ABCC4: variants seen among roughly 807,000 people sequenced by gnomAD.
ABCC4 encodes ATP-binding cassette sub-family C member 4.
ABCC4 carries 102 observed loss-of-function variants against 168.5 expected under a neutral mutation model. That is an observed-to-expected ratio of 0.61 (90% CI 0.52 to 0.71). The LOEUF is 0.71. ABCC4 is among the 30% of genes least tolerant of loss of function. The probability of loss-of-function intolerance (pLI) is 0.00; values close to 1 mark genes in which losing one functional copy is unlikely to be tolerated. For synonymous variants in ABCC4, 617 were observed against 590.7 expected (o/e 1.04, Z -0.65); for missense variants, 1,402 against 1,605.8 (o/e 0.87, Z 2.17).
At chr13:95,103,090 C>A (rs369130334) in intron 20 of ABCC4, among the ~76,000 whole-genome samples, 121 of 151,722 alleles carry the variant, frequency 8.0e-4, no homozygotes, top group African/African-American at 2.8e-3. Flanking sequence ...TACGGTGAAA[C>A]CCTGTCTCTA....
chr13:95,273,640 C>T (rs1484664588), intron 1 of ABCC4, among the ~76,000 whole-genome samples: 1 of 127,834 alleles, frequency 7.8e-6, no homozygotes, highest in Non-Finnish European at 1.6e-5. Context: ...CAGGTTTACA[C>T]TACTGATATG....
chr13:95,028,912 T>G (rs923538884), intron 30 of ABCC4, among the ~76,000 whole-genome samples: 9 of 151,998 alleles, frequency 5.9e-5, no homozygotes, highest in African/African-American at 2.2e-4. Flanking sequence ...ACGCCTGTAA[T>G]CCCAGCACTT....
intron 19 of ABCC4, among the ~76,000 whole-genome samples, chr13:95,135,564 C>A (rs796494166): frequency 5.9e-5 from 9 of 152,126 alleles, no homozygotes; most frequent in African/African-American, 2.2e-4. Flanking sequence ...AAGCACATAC[C>A]ATCATGCCCA....
At chr13:95,027,587 T>C (rs550990172) in intron 30 of ABCC4, among the ~76,000 whole-genome samples, 4 of 152,292 alleles carry the variant, frequency 2.6e-5, no homozygotes, top group African/African-American at 7.2e-5. Context: ...TAACAGAGGC[T>C]TAAGTATATT....
At chr13:95,131,933 G>A (rs890766505) in intron 19 of ABCC4, among the ~76,000 whole-genome samples, 4 of 152,058 alleles carry the variant, frequency 2.6e-5, no homozygotes, top group African/African-American at 7.3e-5. Context: ...GCATGATCCA[G>A]CAATTCCACC....
chr13:95,047,925 G>C (rs1404785581), intron 27 of ABCC4, among the ~76,000 whole-genome samples: 1 of 152,046 alleles, frequency 6.6e-6, no homozygotes, highest in Non-Finnish European at 1.5e-5. Context: ...GCCCTAAGAG[G>C]GTAGGGATTT....
chr13:95,257,279 G>A (rs1333945687), intron 1 of ABCC4, among the ~76,000 whole-genome samples: 2 of 152,224 alleles, frequency 1.3e-5, no homozygotes, highest in African/African-American at 4.8e-5. Flanking sequence ...GATCATCAAA[G>A]GTTTTCATCC....
At chr13:95,133,670 C>T (rs1417032324) in intron 19 of ABCC4, among the ~76,000 whole-genome samples, 1 of 152,084 alleles carries the variant, frequency 6.6e-6, no homozygotes, top group African/African-American at 2.4e-5. Context: ...GGAGAACTCT[C>T]CTTGTAGGAT....
intron 1 of ABCC4, among the ~76,000 whole-genome samples, chr13:95,291,931 G>A (rs1199404185): frequency 6.7e-6 from 1 of 149,350 alleles, no homozygotes; most frequent in African/African-American, 2.5e-5. Flanking sequence ...GGGCAACACA[G>A]TGAAACTCCA....
chr13:95,268,914 A>T (rs7321885), intron 1 of ABCC4, among the ~76,000 whole-genome samples: 30,862 of 151,766 alleles, frequency 0.2, 4,879 homozygotes, highest in African/African-American at 0.44. Context: ...CTTTCTCTAT[A>T]CTTTGTCTCT....
chr13:95,207,114 C>T (rs12430373), intron 7 of ABCC4, among the ~76,000 whole-genome samples: 13,174 of 152,294 alleles, frequency 0.087, 808 homozygotes, highest in East Asian at 0.2. Flanking sequence ...CTGCAACCTC[C>T]GCCTCCTGGT....
Position 95,209,529 on chromosome 13 carries a change from C to T in ABCC4, c.690G>A (p.Trp230Ter). Residue 230 changes from tryptophan to a stop codon, truncating the protein, a stop_gained, in exon 6 of 31, where the codon TGG becomes TGA. Coordinates refer to ENST00000645237, the MANE Select transcript of ABCC4 (RefSeq NM_005845.5). LOFTEE classifies it high-confidence loss of function. The part of the protein sequence containing the change: ...LQAIAVTALL[W>*]MEIGISCLAG... ...CAAGGCACGATATTCCTATCTCCAT[C>T]CAGAGTAGGGCAGTCACTGCAATCG... The T allele has an allele frequency of 6.2e-7, 1 of 1,614,154 alleles. No homozygotes were observed. Among genetic ancestry groups the T allele is most frequent in the Non-Finnish European group, 8.5e-7 (1 of 1,179,970 alleles).
intron 21 of ABCC4, among the ~76,000 whole-genome samples, chr13:95,082,351 A>G (rs1036098318): frequency 6.6e-6 from 1 of 152,236 alleles, no homozygotes; most frequent in South Asian, 2.1e-4. Flanking sequence ...CTCTGCGATT[A>G]CATGTGGAAT....
chr13:95,094,672 G>T (rs1426087755), intron 20 of ABCC4, among the ~76,000 whole-genome samples: 1 of 152,098 alleles, frequency 6.6e-6, no homozygotes, highest in Admixed American at 6.6e-5. Flanking sequence ...AAATAGTAGG[G>T]ACTTAATTAA....
chr13:95,189,147 T>C (rs1281235359), intron 9 of ABCC4, among the ~76,000 whole-genome samples: 2 of 132,570 alleles, frequency 1.5e-5, no homozygotes, highest in African/African-American at 5.4e-5. Flanking sequence ...TTTTTTTTTT[T>C]TTTTGAGACG....
At chr13:95,251,626 T>C (rs1484257447) in intron 1 of ABCC4, among the ~76,000 whole-genome samples, 2 of 152,160 alleles carry the variant, frequency 1.3e-5, no homozygotes, top group Non-Finnish European at 2.9e-5. Context: ...GTATACCTCC[T>C]GAACTTAGGC....
chr13:95,126,728 T>TATATATATATATATATATTCCAAA (rs2035778109), intron 19 of ABCC4, among the ~76,000 whole-genome samples: 2 of 63,502 alleles, frequency 3.1e-5, no homozygotes, highest in Non-Finnish European at 6.6e-5. Context: ...GGAATATATA[T>TATATATATATATATATATTCCAAA]ATATATATAT....
At chr13:95,241,533 C>A (rs4283094) in intron 3 of ABCC4, among the ~76,000 whole-genome samples, 94 of 151,924 alleles carry the variant, frequency 6.2e-4, no homozygotes, top group Middle Eastern at 3.4e-3. Context: ...TCCTGCCCCC[C>A]CTGCAGGCTC....
chr13:95,188,330 G>T (rs567945752), intron 10 of ABCC4, 123 bp downstream of exon 10: 1 of 869,894 alleles, frequency 1.1e-6, no homozygotes, highest in African/African-American at 1.7e-5. Flanking sequence ...TCCATGCACT[G>T]AGAAATGCCG....
Sources: gnomAD v4.1 joint callset for allele counts (sites outside exome capture counted in the v4.1 genomes callset) on GRCh38, gnomAD v4.1.1 for gene constraint, MANE v1.5 for transcripts, NCBI Gene and HGNC (gene_info 2026-07-23, HGNC 2026-07-21) for gene names.